Variants in NEURL1 observed in about 807,000 individuals in gnomAD.
NEURL1 encodes neuralized E3 ubiquitin protein ligase 1, also known as E3 ubiquitin-protein ligase NEURL1.
Under a neutral mutation model 41.2 loss-of-function variants are expected in NEURL1, and 26 were observed. That is an observed-to-expected ratio of 0.63 (90% confidence interval 0.46 to 0.87). The LOEUF (loss-of-function observed/expected upper bound fraction) is 0.87. Ranked by LOEUF, NEURL1 falls within the 40% of genes least tolerant of loss-of-function variation. The pLI, the probability that NEURL1 is intolerant of heterozygous loss-of-function variation, is 0.00. For synonymous variants in NEURL1, 400 were observed against 402.3 expected, an observed-to-expected ratio of 0.99 and a Z score of 0.07; for missense variants, 761 against 871.1, an observed-to-expected ratio of 0.87 and a Z score of 1.59.
At chr10:103,525,208 G>T (rs74479715) in intron 1 of NEURL1, among the ~76,000 whole-genome samples, 1,962 of 151,362 alleles carry the variant, frequency 0.013, 35 homozygotes, top group African/African-American at 0.044. Flanking sequence ...TGGGATTGCT[G>T]TGTTTCTTTT....
intron 1 of NEURL1, among the ~76,000 whole-genome samples, chr10:103,542,571 A>G (rs1334160293): frequency 6.6e-6 from 1 of 152,108 alleles, no homozygotes; most frequent in Non-Finnish European, 1.5e-5. Flanking sequence ...CTCTACCAGT[A>G]ATTTTATTAC....
At chr10:103,561,143 G>A (rs538713397) in intron 1 of NEURL1, among the ~76,000 whole-genome samples, 1 of 152,346 alleles carries the variant, frequency 6.6e-6, no homozygotes, top group African/African-American at 2.4e-5. Context: ...CCACACCGTG[G>A]CAGCTGGCTT....
At chr10:103,497,493 G>A (rs559836977) in intron 1 of NEURL1, among the ~76,000 whole-genome samples, 1 of 152,240 alleles carries the variant, frequency 6.6e-6, no homozygotes, top group African/African-American at 2.4e-5. Flanking sequence ...CAACTGGAAG[G>A]GACCTGGTAT....
At chr10:103,564,949 C>T (rs1226005664) in intron 1 of NEURL1, among the ~76,000 whole-genome samples, 1 of 152,166 alleles carries the variant, frequency 6.6e-6, no homozygotes, top group Non-Finnish European at 1.5e-5. Context: ...CTGATGAAGG[C>T]TGCACATTGG....
At chr10:103,525,249 G>A (rs1191290865) in intron 1 of NEURL1, among the ~76,000 whole-genome samples, 4 of 151,242 alleles carry the variant, frequency 2.6e-5, no homozygotes, top group African/African-American at 7.3e-5. Context: ...GTATAGAAAT[G>A]CTACTGATTT....
rs571318666 is a variant in NEURL1 at position 103,506,605 on chromosome 10, G to A, written c.85+12133G>A. On this transcript the variant is annotated intron_variant, in intron 1 of 5. Transcript: ENST00000369780. ...GACGGAGTCTCACTCTGTCGCCCAG[G>A]CTGGAGTATAGTGGTGCAGTCTTGG... Among the ~76,000 whole-genome samples, 498 of 151,946 alleles carry A rather than the reference G, an allele frequency of 3.3e-3. 1 individual carries two copies. The highest frequency in any genetic ancestry group is 4.6e-3 in the Non-Finnish European group (315 of 67,924).
rs1282854009 is a variant in NEURL1, at chr10:103,584,519, C to T, written c.650-17C>T. 15 of 1,340,916 alleles carry T rather than the reference C, an allele frequency of 1.1e-5. No homozygotes were observed. The East Asian group carries it at 4.3e-4, about 39-fold the overall frequency. The allele number at this position is 1,340,916 out of a possible 1,614,324, so 83.1% of individuals were successfully genotyped here. A position where few individuals can be genotyped will look rare whatever the true frequency, so the allele number is the denominator to read the frequency against. On this transcript the variant is annotated splice_polypyrimidine_tract_variant and intron_variant, in intron 3 of 5. Transcript: ENST00000369780. ...CCCGAGAGCCCTGCGTGACACTGCC[C>T]CGTGTCTCCCGCGCAGATAGCGAGC...
At chr10:103,509,086 C>T (rs1042360090) in intron 1 of NEURL1, among the ~76,000 whole-genome samples, 1 of 150,804 alleles carries the variant, frequency 6.6e-6, no homozygotes, top group African/African-American at 2.5e-5. Context: ...AAACAATTAG[C>T]TGGGTGTGGT....
intron 1 of NEURL1, among the ~76,000 whole-genome samples, chr10:103,501,647 T>TATTATTATTATTATTATTATTATTA: frequency 6.7e-6 from 1 of 150,168 alleles, no homozygotes; most frequent in Non-Finnish European, 1.5e-5. Flanking sequence ...TTATTATTAT[T>TATTATTATTATTATTATTATTATTA]TTGAGACGGA....
intron 1 of NEURL1, among the ~76,000 whole-genome samples, chr10:103,527,947 C>T (rs995240198): frequency 7.2e-5 from 11 of 152,164 alleles, no homozygotes; most frequent in Admixed American, 1.3e-4. Flanking sequence ...AGGCCGGGCA[C>T]AATGGCTCAC....
chr10:103,559,002 C>T (rs1229269870), intron 1 of NEURL1, among the ~76,000 whole-genome samples: 1 of 152,156 alleles, frequency 6.6e-6, no homozygotes, highest in Non-Finnish European at 1.5e-5. Context: ...CCCACCCCCT[C>T]CTGTCACAGA....
chr10:103,524,918 T>TG (rs1215091175), intron 1 of NEURL1, among the ~76,000 whole-genome samples: 1 of 152,158 alleles, frequency 6.6e-6, no homozygotes, highest in Non-Finnish European at 1.5e-5. Context: ...TTTGGCTATA[T>TG]GGGGGGTGGG....
chr10:103,589,969 C>G (rs557113138), intron 5 of NEURL1, among the ~76,000 whole-genome samples, 165 bp from the exon 6 acceptor site: 17 of 152,336 alleles, frequency 1.1e-4, no homozygotes, highest in Admixed American at 9.1e-4. Flanking sequence ...TGGGGCTGCT[C>G]AGAGCTCAGC....
At chr10:103,524,393 G>A (rs182229501) in intron 1 of NEURL1, among the ~76,000 whole-genome samples, 95 of 152,242 alleles carry the variant, frequency 6.2e-4, no homozygotes, top group East Asian at 1.7e-3. Context: ...TATTCTGCAG[G>A]TGATCTCTTC....
At chr10:103,581,662 G>A (rs1442078097) in intron 3 of NEURL1, among the ~76,000 whole-genome samples, 2 of 152,172 alleles carry the variant, frequency 1.3e-5, no homozygotes, top group Admixed American at 6.5e-5. Context: ...TGTACTTTTA[G>A]GTTGCATTAT....
intron 1 of NEURL1, among the ~76,000 whole-genome samples, chr10:103,506,335 A>G (rs950319969): frequency 6.6e-6 from 1 of 152,198 alleles, no homozygotes; most frequent in Non-Finnish European, 1.5e-5. Context: ...CTCTGGCCCA[A>G]TCAGGGTAGA....
chr10:103,532,987 C>T (rs555806381), intron 1 of NEURL1, among the ~76,000 whole-genome samples: 16 of 124,620 alleles, frequency 1.3e-4, no homozygotes, highest in Admixed American at 3.2e-4. Flanking sequence ...AGTGCAGTGG[C>T]GTGATCTTGG....
chr10:103,518,361 C>G (rs1028870188), intron 1 of NEURL1, among the ~76,000 whole-genome samples: 2 of 152,180 alleles, frequency 1.3e-5, no homozygotes, highest in East Asian at 3.9e-4. Context: ...CTCCCTCTCT[C>G]TCCCTCTTTT....
rs992059941 is a variant in NEURL1, at chr10:103,586,395, A to AC, written c.1339+1177dup. Among the ~76,000 whole-genome samples the AC allele has an allele frequency of 5.8e-4, 88 of 150,934 alleles. No homozygotes were observed. The Middle Eastern group carries it at 0.01, about 18-fold the overall frequency. On this transcript the variant is annotated intron_variant, in intron 4 of 5. Coordinates refer to ENST00000369780, the MANE Select transcript of NEURL1 (RefSeq NM_004210.5). ...GACCTATTAAAGTGCAGATTCTTGG[A>AC]CCCCCCCTCCAGAGATTTTAATTCG...
Sources: allele counts gnomAD v4.1 joint callset (sites outside exome capture counted in the v4.1 genomes callset), GRCh38; gene constraint gnomAD v4.1.1; transcripts MANE v1.5; gene names NCBI Gene and HGNC (gene_info 2026-07-23, HGNC 2026-07-21).